The following SHMT1 variants were observed in gnomAD, a reference collection of about 807,000 sequenced individuals.
The protein encoded by SHMT1 is serine hydroxymethyltransferase, cytosolic.
A neutral mutation model predicts 49.0 loss-of-function variants in SHMT1; 45 were observed. The observed-to-expected ratio is 0.92, with a 90% CI of 0.72 to 1.18. The LOEUF (loss-of-function observed/expected upper bound fraction) is 1.18, where lower values mean the gene tolerates loss of function less well. Among genes scored for constraint, SHMT1 ranks in the 50% most tolerant of loss-of-function variants. The pLI is 0.00. For synonymous variants in SHMT1, 232 were observed against 246.6 expected, an observed-to-expected ratio of 0.94 and a Z score of 0.55; for missense variants, 541 against 612.4, an observed-to-expected ratio of 0.88 and a Z score of 1.23.
At chr17:18,336,760 CAA>C (rs907713777) in intron 7 of SHMT1, among the ~76,000 whole-genome samples, 1 of 151,886 alleles carries the variant, frequency 6.6e-6, no homozygotes, top group African/African-American at 2.4e-5. Flanking sequence ...GCATGAGCAA[CAA>C]AGAGAGAACC....
chr17:18,340,610 CTCAG>C lies in SHMT1; in HGVS notation c.601+118_601+121del. 1.2e-6 allele frequency: 1 copy of C among 861,210 alleles called. No homozygotes were observed. Among genetic ancestry groups the C allele is most frequent in the Non-Finnish European group, 1.9e-6 (1 of 520,724 alleles). 53.3% of individuals were successfully genotyped at this position (861,210 alleles called of 1,614,324 possible). On this transcript the variant is annotated intron_variant, in intron 6 of 11. Coordinates refer to ENST00000316694, the MANE Select transcript of SHMT1 (RefSeq NM_004169.5). The surrounding 1 kb of genome is among the most constrained non-coding windows in gnomAD (Gnocchi z 4.5). ...AACTAATATATGTAGACCCCAGAAA[CTCAG>C]TTATCCAGGGCAGAAACTAGCAGTG...
chr17:18,348,471 A>G, intron 3 of SHMT1, 31 bp from the exon 4 acceptor site: 1 of 1,499,928 alleles, frequency 6.7e-7, no homozygotes, highest in South Asian at 1.1e-5. Context: ...ACTTAGATCC[A>G]CTCAGACCCA....
At chr17:18,359,627 G>A (rs981660421) in intron 1 of SHMT1, among the ~76,000 whole-genome samples, 1 of 151,622 alleles carries the variant, frequency 6.6e-6, no homozygotes, top group African/African-American at 2.4e-5. Flanking sequence ...ACTCCAGTCT[G>A]GGTGACAGAG....
At chr17:18,338,334 G>A (rs1042553745) in intron 7 of SHMT1, among the ~76,000 whole-genome samples, 9 of 151,758 alleles carry the variant, frequency 5.9e-5, no homozygotes, top group African/African-American at 1.9e-4. Context: ...ATCTCTGCCC[G>A]GCAGCTGCCC....
At chr17:18,358,896 C>G (rs1555588048) in intron 1 of SHMT1, among the ~76,000 whole-genome samples, 1 of 151,870 alleles carries the variant, frequency 6.6e-6, no homozygotes, top group Non-Finnish European at 1.5e-5. Context: ...GAGTAAGACC[C>G]TGTGTGTGTG....
chr17:18,333,044 G>A, intron 9 of SHMT1, 122 bp downstream of exon 9: 1 of 1,288,674 alleles, frequency 7.8e-7, no homozygotes, highest in African/African-American at 1.5e-5. Flanking sequence ...CTCCTCCCAA[G>A]GTGGGCCCAT....
chr17:18,348,479 C>A, intron 3 of SHMT1, 39 bp from the exon 4 acceptor site: 1 of 1,461,274 alleles, frequency 6.8e-7, no homozygotes, highest in South Asian at 1.1e-5. Context: ...CCACTCAGAC[C>A]CAGAAAGTCT....
chr17:18,342,329 T>C (rs1984610220), intron 5 of SHMT1, among the ~76,000 whole-genome samples: 1 of 152,100 alleles, frequency 6.6e-6, no homozygotes, highest in African/African-American at 2.4e-5. Flanking sequence ...ATCTCACTTC[T>C]TTTTTGAGAC....
chr17:18,352,147 C>CT (rs1306144197), intron 3 of SHMT1, among the ~76,000 whole-genome samples: 7 of 76,572 alleles, frequency 9.1e-5, no homozygotes, highest in Admixed American at 6.7e-4. Flanking sequence ...ACTCAGTCCC[C>CT]TTCTTTTTTT....
At chr17:18,352,027 T>C (rs1162968196) in intron 3 of SHMT1, among the ~76,000 whole-genome samples, 1 of 151,968 alleles carries the variant, frequency 6.6e-6, no homozygotes, top group Non-Finnish European at 1.5e-5. Flanking sequence ...AAATTTTGTT[T>C]TGGAGACAGC....
intron 5 of SHMT1, among the ~76,000 whole-genome samples, chr17:18,344,927 C>CG (rs1225256185): frequency 1.3e-5 from 2 of 152,188 alleles, no homozygotes; most frequent in African/African-American, 4.8e-5. Flanking sequence ...TGGAGGCAGG[C>CG]GGTCTGGTGA....
chr17:18,352,274 G>A (rs1985799282), intron 3 of SHMT1, among the ~76,000 whole-genome samples: 1 of 150,502 alleles, frequency 6.6e-6, no homozygotes, highest in Non-Finnish European at 1.5e-5. Context: ...AGCCTCCCAC[G>A]TAGCTGGGAC....
At chr17:18,357,072 G>A (rs969431425) in intron 1 of SHMT1, among the ~76,000 whole-genome samples, 1 of 151,900 alleles carries the variant, frequency 6.6e-6, no homozygotes, top group African/African-American at 2.4e-5. Flanking sequence ...ACAAGATCTG[G>A]AGTTGGAGAC....
intron 2 of SHMT1, among the ~76,000 whole-genome samples, chr17:18,354,875 T>C (rs1229906558): frequency 8.5e-6 from 1 of 117,370 alleles, no homozygotes; most frequent in African/African-American, 3.2e-5. Context: ...CCGTCTCTAC[T>C]AAAAAAAAAA....
At position 18,340,481 on chromosome 17, in the gene SHMT1, G is replaced by A. The variant is rs917354204; in HGVS notation, c.602-226C>T. 9.0e-6 allele frequency: 6 copies of A among 668,530 alleles called. No individual in the cohort carries two copies. The Admixed American group carries it at 1.1e-4, about 12-fold the overall frequency. 41.4% of individuals were successfully genotyped at this position (668,530 alleles called of 1,614,324 possible). ...GAGATGGCCCCAACTACTATTGCCAGCGCAGTCAGGGCCTGACATTTCTAG... is the reference window on the plus strand; with the variant it reads ...GAGATGGCCCCAACTACTATTGCCAACGCAGTCAGGGCCTGACATTTCTAG... On this transcript the variant is annotated intron_variant, in intron 6 of 11. Coordinates refer to ENST00000316694, the MANE Select transcript of SHMT1 (RefSeq NM_004169.5). The surrounding 1 kb of genome is among the most constrained non-coding windows in gnomAD (Gnocchi z 4.5).
chr17:18,343,176 G>C (rs1229490807), intron 5 of SHMT1, among the ~76,000 whole-genome samples: 2 of 151,626 alleles, frequency 1.3e-5, no homozygotes, highest in African/African-American at 4.8e-5. Flanking sequence ...ACATCACTGT[G>C]CATCCCATAA....
chr17:18,335,805 T>C (rs1983728626), intron 7 of SHMT1, 130 bp from the exon 8 acceptor site: 2 of 776,214 alleles, frequency 2.6e-6, no homozygotes, highest in African/African-American at 3.4e-5. Flanking sequence ...GGAGAACTGA[T>C]TTGTAACACA....
At chr17:18,359,084 A>C (rs1986517008) in intron 1 of SHMT1, among the ~76,000 whole-genome samples, 1 of 149,894 alleles carries the variant, frequency 6.7e-6, no homozygotes, top group Non-Finnish European at 1.5e-5. Flanking sequence ...CTAAAAATAC[A>C]AAAATTACCC....
intron 3 of SHMT1, among the ~76,000 whole-genome samples, chr17:18,349,323 G>A (rs954847876): frequency 1.3e-5 from 2 of 152,176 alleles, no homozygotes; most frequent in African/African-American, 4.8e-5. Context: ...GGGAGGCTGA[G>A]GCAGGAGAAT....
Sources: gnomAD v4.1 joint callset for allele counts (sites outside exome capture counted in the v4.1 genomes callset) on GRCh38, gnomAD v4.1.1 for gene constraint, Gnocchi (gnomAD v3.1) non-coding constraint, MANE v1.5 for transcripts, NCBI Gene and HGNC (gene_info 2026-07-23, HGNC 2026-07-21) for gene names.